The following UXS1 variants were observed in gnomAD, a reference collection of about 807,000 sequenced individuals.
UXS1 encodes the protein UDP-glucuronate decarboxylase 1, also known as UDP-glucuronic acid decarboxylase 1.
In UXS1, 33 loss-of-function variants were observed where a neutral mutation model predicts 62.6. The observed-to-expected ratio is 0.53, with a 90% confidence interval of 0.40 to 0.70. The LOEUF (loss-of-function observed/expected upper bound fraction) is 0.70. Among genes scored for constraint, UXS1 ranks in the 30% least tolerant of loss-of-function variants. UXS1 has a pLI of 0.00. For synonymous variants in UXS1, 213 were observed against 206.8 expected, an observed-to-expected ratio of 1.03 and a Z score of -0.26; for missense variants, 434 against 556.3, an observed-to-expected ratio of 0.78 and a Z score of 2.21.
chr2:106,139,403 T>C (rs1237242561), intron 6 of UXS1, among the ~76,000 whole-genome samples: 4 of 152,204 alleles, frequency 2.6e-5, no homozygotes, highest in Non-Finnish European at 4.4e-5. Context: ...AGGGCACAGC[T>C]GCGACTTACT....
chr2:106,123,162 T>C, intron 8 of UXS1, 71 bp from the exon 9 acceptor site: 7 of 1,595,244 alleles, frequency 4.4e-6, no homozygotes, highest in Non-Finnish European at 6.0e-6. Flanking sequence ...TGCATATTTA[T>C]GATGCAAAAG....
At chr2:106,168,899 CTG>C (rs1365674908) in intron 1 of UXS1, among the ~76,000 whole-genome samples, 3 of 152,288 alleles carry the variant, frequency 2.0e-5, no homozygotes, top group South Asian at 2.1e-4. Context: ...GAAAAAAAGA[CTG>C]TGAAATTTCC....
In UXS1 at chr2:106,145,189, C is replaced by A; in HGVS notation, c.472+1G>T. On this transcript the variant is annotated splice_donor_variant, in intron 6 of 14. Coordinates refer to ENST00000283148, the MANE Select transcript of UXS1 (RefSeq NM_001253875.2). LOFTEE classifies it high-confidence loss of function. The stretch of plus-strand genomic sequence containing the variant: ...AATAACAATGTGCAGTTTTCACTCA[C>A]CCTCGATGTAGAGGGGCTCCACCAC... 6.2e-7 allele frequency: 1 copy of A among 1,612,326 alleles called. No individual in the cohort carries two copies. The highest frequency in any genetic ancestry group is 8.5e-7 in the Non-Finnish European group (1 of 1,179,050).
At chr2:106,150,024 G>A (rs11685300) in intron 5 of UXS1, among the ~76,000 whole-genome samples, 58,524 of 152,094 alleles carry the variant, frequency 0.38, 11,844 homozygotes, top group Non-Finnish European at 0.44. Flanking sequence ...GGCTATCCTT[G>A]TTACAAAGTG....
At chr2:106,190,558 C>G (rs572204764) in intron 1 of UXS1, among the ~76,000 whole-genome samples, 3 of 151,922 alleles carry the variant, frequency 2.0e-5, no homozygotes, top group African/African-American at 7.3e-5. Flanking sequence ...CCAGCCTGAC[C>G]AACATGGAGA....
chr2:106,109,272 G>A (rs1212001793), intron 10 of UXS1, among the ~76,000 whole-genome samples: 1 of 152,086 alleles, frequency 6.6e-6, no homozygotes, highest in African/African-American at 2.4e-5. Context: ...TTGAATAACT[G>A]TTTAACAAAT....
intron 1 of UXS1, among the ~76,000 whole-genome samples, chr2:106,188,346 G>C (rs1024334097): frequency 5.3e-5 from 8 of 152,142 alleles, no homozygotes; most frequent in Non-Finnish European, 1.0e-4. Context: ...GCGGGCAGTG[G>C]AATGGCCCAT....
chr2:106,122,912 A>G, intron 9 of UXS1, 58 bp downstream of exon 9: 1 of 1,597,890 alleles, frequency 6.3e-7, no homozygotes, highest in South Asian at 1.1e-5. Context: ...AACACTTTAC[A>G]TCTGAGGTCA....
intron 1 of UXS1, 57 bp downstream of exon 1, chr2:106,194,091 C>A (rs1407201186): frequency 1.5e-5 from 21 of 1,379,640 alleles, no homozygotes; most frequent in East Asian, 3.3e-5. Flanking sequence ...CCGCCCGGCC[C>A]ACCGCGGCGC....
intron 5 of UXS1, among the ~76,000 whole-genome samples, chr2:106,146,751 G>A (rs1453327804): frequency 4.6e-5 from 6 of 130,902 alleles, no homozygotes; most frequent in African/African-American, 1.7e-4. Flanking sequence ...TCCAGCCTGG[G>A]TGACAGAGAA....
chr2:106,178,452 A>ATG (rs1558754862), intron 1 of UXS1, among the ~76,000 whole-genome samples: 1 of 152,058 alleles, frequency 6.6e-6, no homozygotes, highest in Admixed American at 6.6e-5. Context: ...GTATATATGT[A>ATG]TGTGTGTGTA....
chr2:106,131,125 G>A (rs1405376696), intron 6 of UXS1, among the ~76,000 whole-genome samples: 5 of 147,930 alleles, frequency 3.4e-5, no homozygotes, highest in South Asian at 4.4e-4. Context: ...TTCCCTTTCC[G>A]AGTCAAAGAA....
chr2:106,094,079 T>G lies in UXS1; in HGVS notation c.1225A>C (p.Ile409Leu). 3 of 1,613,612 alleles carry G rather than the reference T, an allele frequency of 1.9e-6. No homozygotes were observed. The highest frequency in any genetic ancestry group is 2.5e-6 in the Non-Finnish European group (3 of 1,179,820). ...ELEYQANNQY[I>L]PKPKPARIKK... ...ATTCTGGCAGGCTTTGGTTTGGGGA[T>G]GTACTGATTATTTGCCTGGTACTCG... Residue 409 changes from isoleucine (I) to leucine (L), a missense_variant, in exon 15 of 15, where the codon ATC (isoleucine) becomes CTC (leucine). This residue lies in a region of UXS1 where 209 missense variants were observed against 233.3 expected (regional missense o/e 0.90). Coordinates refer to ENST00000283148, the MANE Select transcript of UXS1 (RefSeq NM_001253875.2).
intron 13 of UXS1, among the ~76,000 whole-genome samples, chr2:106,097,955 C>T (rs998411996): frequency 1.3e-5 from 2 of 152,224 alleles, no homozygotes; most frequent in Non-Finnish European, 1.5e-5. Flanking sequence ...AGACCAATGC[C>T]GATGAATGGC....
At chr2:106,118,439 A>C (rs1044397729) in intron 9 of UXS1, among the ~76,000 whole-genome samples, 1 of 151,222 alleles carries the variant, frequency 6.6e-6, no homozygotes, top group Non-Finnish European at 1.5e-5. Context: ...CAGACCTCAG[A>C]GTCAGACTCA....
intron 9 of UXS1, among the ~76,000 whole-genome samples, chr2:106,114,402 G>T (rs1249835893): frequency 6.6e-6 from 1 of 152,154 alleles, no homozygotes; most frequent in Non-Finnish European, 1.5e-5. Context: ...TATTAAAAAG[G>T]GTGGGGAGCA....
At chr2:106,176,740 G>T (rs1257417723) in intron 1 of UXS1, among the ~76,000 whole-genome samples, 1 of 152,214 alleles carries the variant, frequency 6.6e-6, no homozygotes, top group Non-Finnish European at 1.5e-5. Context: ...AAGTCAATCT[G>T]GGGTGCCTGA....
chr2:106,104,976 C>T (rs1234794560), intron 10 of UXS1, 139 bp from the exon 11 acceptor site: 7 of 933,658 alleles, frequency 7.5e-6, no homozygotes, highest in Admixed American at 1.8e-5. Flanking sequence ...CATCTAGCAC[C>T]ACATCCCGCA....
intron 10 of UXS1, among the ~76,000 whole-genome samples, chr2:106,110,991 A>C: frequency 6.6e-6 from 1 of 152,206 alleles, no homozygotes; most frequent in East Asian, 1.9e-4. Context: ...CAAGGGAGCA[A>C]GGAAGCCCGG....
Sources: gnomAD v4.1 joint callset for allele counts (sites outside exome capture counted in the v4.1 genomes callset) on GRCh38, gnomAD v4.1.1 for gene constraint, gnomAD v4.1.1 regional missense constraint, MANE v1.5 for transcripts, NCBI Gene and HGNC (gene_info 2026-07-23, HGNC 2026-07-21) for gene names.